NLGN1: variants seen among roughly 807,000 people sequenced by gnomAD.
NLGN1 encodes the protein neuroligin 1.
NLGN1 carries 12 observed loss-of-function variants against 65.5 expected under a neutral mutation model. The observed-to-expected ratio is 0.18, with a 90% CI of 0.12 to 0.30. The LOEUF (loss-of-function observed/expected upper bound fraction) is 0.30. Ranked by LOEUF, NLGN1 falls within the 10% of genes least tolerant of loss-of-function variation. The pLI, the probability that NLGN1 is intolerant of heterozygous loss-of-function variation, is 1.00. For synonymous variants in NLGN1, 350 were observed against 359.5 expected, an observed-to-expected ratio of 0.97 and a Z score of 0.30; for missense variants, 750 against 1,007.1, an observed-to-expected ratio of 0.74 and a Z score of 3.46.
At chr3:173,492,689 A>T (rs1037431974) in intron 2 of NLGN1, among the ~76,000 whole-genome samples, 2 of 151,876 alleles carry the variant, frequency 1.3e-5, no homozygotes. Flanking sequence ...AAAGATATTA[A>T]ATCAGAATCC....
At chr3:173,812,995 G>C (rs1718286154) in intron 4 of NLGN1, among the ~76,000 whole-genome samples, 1 of 151,054 alleles carries the variant, frequency 6.6e-6, no homozygotes, top group Admixed American at 6.6e-5. Context: ...ATAATATATT[G>C]ATTTATTAAT....
intron 4 of NLGN1, among the ~76,000 whole-genome samples, chr3:174,056,445 A>T (rs1736097573): frequency 6.6e-6 from 1 of 151,896 alleles, no homozygotes; most frequent in Non-Finnish European, 1.5e-5. Context: ...TTCTCATGTC[A>T]TTGTAACAAA....
At chr3:173,470,727 C>A (rs989491277) in intron 2 of NLGN1, among the ~76,000 whole-genome samples, 12 of 152,110 alleles carry the variant, frequency 7.9e-5, no homozygotes, top group African/African-American at 2.9e-4. Flanking sequence ...ACAGTTTTAG[C>A]AAGACTCAGC....
chr3:173,793,454 A>G (rs983886039), intron 3 of NLGN1, among the ~76,000 whole-genome samples: 1 of 152,084 alleles, frequency 6.6e-6, no homozygotes, highest in Non-Finnish European at 1.5e-5. Context: ...GAAGGTGGAG[A>G]TGATGGTCAT....
chr3:173,981,892 C>T (rs943670921), intron 4 of NLGN1, among the ~76,000 whole-genome samples: 4 of 152,002 alleles, frequency 2.6e-5, no homozygotes, highest in African/African-American at 9.7e-5. Flanking sequence ...TATAATCTAG[C>T]AATCAACTTC....
intron 4 of NLGN1, among the ~76,000 whole-genome samples, chr3:174,002,054 T>TA (rs201681047): frequency 0.046 from 5,927 of 127,996 alleles, 153 homozygotes; most frequent in African/African-American, 0.084. Flanking sequence ...TAGACAGATT[T>TA]AAAAAAAAAA....
chr3:174,034,822 A>G (rs983122050), intron 4 of NLGN1, among the ~76,000 whole-genome samples: 1 of 152,194 alleles, frequency 6.6e-6, no homozygotes, highest in African/African-American at 2.4e-5. Flanking sequence ...AATTAGGTAG[A>G]TATTAACTTG....
chr3:173,952,756 T>C (rs1053157265), intron 4 of NLGN1, among the ~76,000 whole-genome samples: 4 of 152,174 alleles, frequency 2.6e-5, no homozygotes, highest in African/African-American at 9.6e-5. Context: ...CTACTAGTTT[T>C]TTTAAGTGGT....
chr3:173,477,137 G>A (rs985777069), intron 2 of NLGN1, among the ~76,000 whole-genome samples: 1 of 152,106 alleles, frequency 6.6e-6, no homozygotes, highest in Non-Finnish European at 1.5e-5. Context: ...GAAATGGGAT[G>A]TCATTTCTAG....
At chr3:174,155,936 C>A (rs1465457254) in intron 4 of NLGN1, among the ~76,000 whole-genome samples, 2 of 151,808 alleles carry the variant, frequency 1.3e-5, no homozygotes, top group African/African-American at 4.8e-5. Flanking sequence ...GTGTTTCTGT[C>A]TTCATTTATA....
At chr3:173,539,662 T>TATATGTACATATATAACATATACGTAC (rs745397560) in intron 2 of NLGN1, among the ~76,000 whole-genome samples, 1 of 116,134 alleles carries the variant, frequency 8.6e-6, no homozygotes, top group African/African-American at 4.2e-5. Flanking sequence ...CATATGTGTA[T>TATATGTACATATATAACATATACGTAC]ATATGCACAT....
At chr3:173,853,848 CAG>C (rs1160785136) in intron 4 of NLGN1, among the ~76,000 whole-genome samples, 19 of 151,938 alleles carry the variant, frequency 1.3e-4, no homozygotes, top group Non-Finnish European at 1.6e-4. Context: ...GTAATAAAAA[CAG>C]TATCTTTTTT....
At chr3:173,935,592 C>CCACA (rs1744891910) in intron 4 of NLGN1, among the ~76,000 whole-genome samples, 1 of 122,064 alleles carries the variant, frequency 8.2e-6, no homozygotes, top group Admixed American at 8.0e-5. Context: ...AATATACAGT[C>CCACA]TACACACACA....
chr3:173,822,349 G>A lies in NLGN1; in HGVS notation c.646+14517G>A, dbSNP rs1004482720. 3.3e-5 allele frequency among the ~76,000 whole-genome samples: 5 copies of A among 152,070 alleles called. No individual in the cohort carries two copies. The East Asian group carries it at 7.7e-4, about 23-fold the overall frequency. Reference sequence around the variant, plus strand: ...CCAATGGCCAAAAGACCCAGCAGGGGTGATTAATAAGTAATAATGATTTCT... The same window carrying A: ...CCAATGGCCAAAAGACCCAGCAGGGATGATTAATAAGTAATAATGATTTCT... On this transcript the variant is annotated intron_variant, in intron 4 of 6. Transcript: ENST00000457714.
intron 4 of NLGN1, among the ~76,000 whole-genome samples, chr3:174,233,106 C>A (rs1037769674): frequency 1.3e-5 from 2 of 152,112 alleles, no homozygotes; most frequent in African/African-American, 2.4e-5. Flanking sequence ...GGGGTGGCAG[C>A]AAGACAGGAA....
chr3:173,562,803 C>G (rs1026886115), intron 2 of NLGN1, among the ~76,000 whole-genome samples: 1 of 152,142 alleles, frequency 6.6e-6, no homozygotes, highest in African/African-American at 2.4e-5. Context: ...CTTCATGCAG[C>G]CTCCCAGTGA....
intron 4 of NLGN1, among the ~76,000 whole-genome samples, chr3:173,894,192 AATT>A (rs1735918823): frequency 6.6e-6 from 1 of 152,242 alleles, no homozygotes; most frequent in African/African-American, 2.4e-5. Context: ...AGGGTGTTAC[AATT>A]ATTATTATCA....
intron 4 of NLGN1, among the ~76,000 whole-genome samples, chr3:174,273,311 G>A (rs1006638141): frequency 5.3e-5 from 8 of 151,262 alleles, no homozygotes; most frequent in East Asian, 1.9e-4. Flanking sequence ...TCTCTCACAC[G>A]CACATATCCT....
chr3:173,723,379 G>A (rs1445657298), intron 3 of NLGN1, among the ~76,000 whole-genome samples: 1 of 152,160 alleles, frequency 6.6e-6, no homozygotes, highest in African/African-American at 2.4e-5. Flanking sequence ...TTTTTATTTT[G>A]TATTTATCTA....
Sources: gnomAD v4.1 joint callset for allele counts (sites outside exome capture counted in the v4.1 genomes callset) on GRCh38, gnomAD v4.1.1 for gene constraint, MANE v1.5 for transcripts, NCBI Gene and HGNC (gene_info 2026-07-23, HGNC 2026-07-21) for gene names.